CALN1: variants seen among roughly 807,000 people sequenced by gnomAD.
The protein encoded by CALN1 is calcium-binding protein 8.
A neutral mutation model predicts 30.6 loss-of-function variants in CALN1; 17 were observed. The observed-to-expected ratio is 0.56, with a 90% confidence interval of 0.38 to 0.83. The LOEUF (loss-of-function observed/expected upper bound fraction) is 0.83, where lower values mean the gene tolerates loss of function less well. Among genes scored for constraint, CALN1 ranks in the 40% least tolerant of loss-of-function variants. The pLI is 0.00. For missense variants in CALN1, 291 were observed against 354.9 expected, an observed-to-expected ratio of 0.82 and a Z score of 1.45; for synonymous variants, 156 against 131.4, an observed-to-expected ratio of 1.19 and a Z score of -1.28.
intron 2 of CALN1, among the ~76,000 whole-genome samples, chr7:72,369,888 C>T (rs772078943): frequency 2.0e-4 from 30 of 152,194 alleles, no homozygotes; most frequent in East Asian, 1.9e-4. Context: ...ATTTAACATG[C>T]TTTCAGTTTC....
At chr7:72,176,837 G>A (rs902947042) in intron 3 of CALN1, among the ~76,000 whole-genome samples, 13 of 152,150 alleles carry the variant, frequency 8.5e-5, no homozygotes, top group Non-Finnish European at 1.6e-4. Flanking sequence ...TTTCCACCCT[G>A]TCTTATTTGG....
At chr7:71,889,097 T>C (rs982611894) in intron 5 of CALN1, among the ~76,000 whole-genome samples, 2 of 152,192 alleles carry the variant, frequency 1.3e-5, no homozygotes, top group Non-Finnish European at 2.9e-5. Context: ...CCAGGTGCGA[T>C]GTGAGATCAG....
intron 5 of CALN1, among the ~76,000 whole-genome samples, chr7:71,840,485 TAAAAAA>T (rs61579583): frequency 0.016 from 1,625 of 101,306 alleles, 17 homozygotes; most frequent in Non-Finnish European, 0.022. Flanking sequence ...ATGCTCTCTT[TAAAAAA>T]AAAAAAAAAA....
intron 5 of CALN1, among the ~76,000 whole-genome samples, chr7:71,831,000 C>T (rs113187664): frequency 0.028 from 4,285 of 152,064 alleles, 209 homozygotes; most frequent in African/African-American, 0.097. Context: ...GCAGCTGTTC[C>T]GGAAAATAAA....
intron 5 of CALN1, among the ~76,000 whole-genome samples, chr7:71,884,478 G>A (rs766113515): frequency 6.6e-6 from 1 of 151,584 alleles, no homozygotes; most frequent in Non-Finnish European, 1.5e-5. Context: ...GGCTGGGGGC[G>A]ATGATCACTG....
intron 1 of CALN1, among the ~76,000 whole-genome samples, chr7:72,431,543 G>C (rs981291742): frequency 2.0e-5 from 3 of 152,160 alleles, no homozygotes; most frequent in Admixed American, 6.5e-5. Flanking sequence ...TAATCTAAGC[G>C]CTAAGTCAGA....
the CALN1 span, among the ~76,000 whole-genome samples, chr7:72,464,515 C>T: frequency 6.6e-6 from 1 of 152,206 alleles, no homozygotes; most frequent in African/African-American, 2.4e-5. Flanking sequence ...TCCCTTCATG[C>T]CAATCCCACA....
At chr7:72,071,411 C>A (rs1338508838) in intron 4 of CALN1, among the ~76,000 whole-genome samples, 1 of 152,108 alleles carries the variant, frequency 6.6e-6, no homozygotes, top group Non-Finnish European at 1.5e-5. Context: ...GCACTATTTT[C>A]CCCCGTTTCA....
chr7:72,132,059 T>C (rs899552108), intron 3 of CALN1, among the ~76,000 whole-genome samples: 1 of 150,690 alleles, frequency 6.6e-6, no homozygotes, highest in Admixed American at 6.6e-5. Context: ...TATATGTTTA[T>C]TGATATATAC....
intron 2 of CALN1, among the ~76,000 whole-genome samples, chr7:72,370,866 T>G (rs1365730274): frequency 6.6e-6 from 1 of 151,866 alleles, no homozygotes; most frequent in African/African-American, 2.4e-5. Context: ...GCCAACATGG[T>G]GAAGCCGCAT....
At chr7:71,847,557 C>T (rs902974391) in intron 5 of CALN1, among the ~76,000 whole-genome samples, 2 of 151,584 alleles carry the variant, frequency 1.3e-5, no homozygotes, top group Non-Finnish European at 1.5e-5. Context: ...TGGTGCATGC[C>T]TGTAATCCCA....
intron 3 of CALN1, among the ~76,000 whole-genome samples, chr7:72,264,397 A>G (rs1169097593): frequency 6.6e-6 from 1 of 152,210 alleles, no homozygotes; most frequent in African/African-American, 2.4e-5. Context: ...AACAAAATAT[A>G]TCTTCAAAAA....
intron 3 of CALN1, among the ~76,000 whole-genome samples, chr7:72,109,527 C>T (rs774193959): frequency 6.6e-6 from 1 of 152,192 alleles, no homozygotes; most frequent in Non-Finnish European, 1.5e-5. Context: ...TAGTCCAACC[C>T]AAATTCTGAA....
chr7:72,445,960 A>G (rs1808512731), intron 1 of CALN1, among the ~76,000 whole-genome samples: 1 of 152,132 alleles, frequency 6.6e-6, no homozygotes, highest in Admixed American at 6.5e-5. Context: ...CGTGTTTTAA[A>G]GCCCCTGGAA....
intron 5 of CALN1, among the ~76,000 whole-genome samples, chr7:71,852,612 A>G (rs1256697327): frequency 1.3e-5 from 2 of 152,130 alleles, no homozygotes; most frequent in Non-Finnish European, 2.9e-5. Flanking sequence ...AAAAGAAAAA[A>G]AAAGAAAACA....
chr7:71,978,164 G>A (rs946203575), intron 5 of CALN1, among the ~76,000 whole-genome samples: 1 of 149,362 alleles, frequency 6.7e-6, no homozygotes, highest in Admixed American at 6.7e-5. Context: ...CCTCAAACAA[G>A]TCAGCTTCTA....
At chr7:72,235,997 T>G (rs1585232642) in intron 3 of CALN1, among the ~76,000 whole-genome samples, 2 of 148,638 alleles carry the variant, frequency 1.3e-5, no homozygotes, top group Admixed American at 1.4e-4. Context: ...TAATCCCAGC[T>G]CTTAGGGAGG....
chr7:72,182,405 G>A (rs1789876251), intron 3 of CALN1, among the ~76,000 whole-genome samples: 1 of 152,168 alleles, frequency 6.6e-6, no homozygotes, highest in Admixed American at 6.6e-5. Flanking sequence ...GGAAATATCA[G>A]TTGGGCTTTT....
At chr7:72,003,574 T>C (rs185428608) in intron 5 of CALN1, among the ~76,000 whole-genome samples, 1 of 152,158 alleles carries the variant, frequency 6.6e-6, no homozygotes, top group South Asian at 2.1e-4. Flanking sequence ...TAGATTCTCA[T>C]AGAAGTGTGA....
Sources: allele counts gnomAD v4.1 joint callset (sites outside exome capture counted in the v4.1 genomes callset), GRCh38; gene constraint gnomAD v4.1.1; transcripts MANE v1.5; gene names NCBI Gene and HGNC (gene_info 2026-07-23, HGNC 2026-07-21).